NCOA6: variants seen among roughly 807,000 people sequenced by gnomAD.
NCOA6 encodes the protein NRC RAP250.
A neutral mutation model predicts 171.4 loss-of-function variants in NCOA6; 49 were observed. The ratio of observed to expected loss-of-function variants is 0.29; its 90% CI spans 0.23 to 0.36. The LOEUF (loss-of-function observed/expected upper bound fraction) is 0.36. Ranked by LOEUF, NCOA6 falls within the 10% of genes least tolerant of loss-of-function variation. The probability of loss-of-function intolerance (pLI) is 1.00; values close to 1 mark genes in which losing one functional copy is unlikely to be tolerated. For synonymous variants in NCOA6, 910 were observed against 927.5 expected, an observed-to-expected ratio of 0.98 and a Z score of 0.34; for missense variants, 2,248 against 2,554.5, an observed-to-expected ratio of 0.88 and a Z score of 2.59.
rs1440187051 is a variant in NCOA6 at position 34,740,710 on chromosome 20, T to G, written c.5546A>C (p.Asp1849Ala). The G allele has an allele frequency of 6.2e-7, 1 of 1,614,134 alleles. No individual in the cohort carries two copies. The highest frequency in any genetic ancestry group is 1.7e-5 in the Admixed American group (1 of 60,008). Residue 1849 changes from aspartate to alanine, a missense_variant, in exon 11 of 15, where the codon GAT becomes GCT. Transcript: ENST00000359003. ...TAGCCCTTGGCCTTCAGTCTCTCCA[T>G]CTGCACCATATTGTTCTTCCCCTTT... is the stretch of plus-strand genomic sequence containing the variant. ...LEKGEEQYGADGETEGQGLDT... is the reference protein window; with the variant it reads ...LEKGEEQYGAAGETEGQGLDT...
At chr20:34,755,995 C>T (rs1321649927) in intron 7 of NCOA6, among the ~76,000 whole-genome samples, 1 of 152,160 alleles carries the variant, frequency 6.6e-6, no homozygotes, top group African/African-American at 2.4e-5. Flanking sequence ...CCTTGGCCTC[C>T]CAAAGTGCTG....
intron 4 of NCOA6, among the ~76,000 whole-genome samples, chr20:34,772,620 GA>G (rs2077185783): frequency 6.6e-6 from 1 of 150,832 alleles, no homozygotes; most frequent in South Asian, 2.1e-4. Flanking sequence ...CAAAATGCCA[GA>G]AAAAAATGCA....
chr20:34,794,873 A>G (rs531996590), intron 1 of NCOA6, among the ~76,000 whole-genome samples: 30 of 152,306 alleles, frequency 2.0e-4, no homozygotes, highest in African/African-American at 7.2e-4. Flanking sequence ...ACTAAAATTG[A>G]TATCATGAAT....
At chr20:34,817,656 A>T (rs549604092) in intron 1 of NCOA6, among the ~76,000 whole-genome samples, 25 of 152,288 alleles carry the variant, frequency 1.6e-4, no homozygotes, top group Non-Finnish European at 2.6e-4. Context: ...GATCACATTT[A>T]AAAAAATAAA....
At chr20:34,762,703 A>T (rs999961213) in intron 5 of NCOA6, among the ~76,000 whole-genome samples, 3 of 152,098 alleles carry the variant, frequency 2.0e-5, no homozygotes, top group Non-Finnish European at 2.9e-5. Context: ...GATTTACCCC[A>T]TGCTTATCAA....
intron 14 of NCOA6, among the ~76,000 whole-genome samples, chr20:34,726,456 T>C (rs1021221487): frequency 5.9e-5 from 9 of 152,118 alleles, no homozygotes; most frequent in African/African-American, 1.9e-4. Context: ...AGCTGGGCCA[T>C]ATTCAGGACC....
At chr20:34,720,699 A>T (rs1989210727) in intron 14 of NCOA6, among the ~76,000 whole-genome samples, 5 of 152,236 alleles carry the variant, frequency 3.3e-5, no homozygotes, top group Non-Finnish European at 1.5e-5. Flanking sequence ...AACTTTACAC[A>T]GTGCTGATTC....
intron 2 of NCOA6, among the ~76,000 whole-genome samples, chr20:34,786,534 C>G (rs2077687126): frequency 6.6e-6 from 1 of 152,160 alleles, no homozygotes; most frequent in Non-Finnish European, 1.5e-5. Flanking sequence ...CCCAGAGATT[C>G]TGGTATGTTG....
intron 12 of NCOA6, 25 bp downstream of exon 12, chr20:34,736,662 CAAG>C (rs767759308): frequency 6.3e-7 from 1 of 1,583,038 alleles, no homozygotes. Flanking sequence ...CATCCCACTC[CAAG>C]AAGTTTTTCC....
At chr20:34,814,353 T>A (rs1349555536) in intron 1 of NCOA6, among the ~76,000 whole-genome samples, 5 of 151,254 alleles carry the variant, frequency 3.3e-5, no homozygotes, top group African/African-American at 9.7e-5. Flanking sequence ...AAAAAAAAAA[T>A]TGTAAAATAT....
chr20:34,762,989 A>G (rs917329322), intron 5 of NCOA6, among the ~76,000 whole-genome samples: 1 of 152,210 alleles, frequency 6.6e-6, no homozygotes, highest in African/African-American at 2.4e-5. Context: ...AGAAAAGCTG[A>G]TAGTCTTTCC....
intron 2 of NCOA6, among the ~76,000 whole-genome samples, chr20:34,790,296 A>C (rs1203519918): frequency 6.6e-6 from 1 of 152,098 alleles, no homozygotes; most frequent in Non-Finnish European, 1.5e-5. Flanking sequence ...TAAGTAACAG[A>C]AGCCAGACAT....
chr20:34,759,792 C>CTA (rs1468004419), intron 5 of NCOA6, among the ~76,000 whole-genome samples: 1 of 152,110 alleles, frequency 6.6e-6, no homozygotes, highest in Non-Finnish European at 1.5e-5. Flanking sequence ...ATGAGAGTGT[C>CTA]TTTAGACTAT....
intron 13 of NCOA6, among the ~76,000 whole-genome samples, chr20:34,728,510 G>T (rs1342135079): frequency 1.3e-5 from 2 of 152,086 alleles, no homozygotes; most frequent in Non-Finnish European, 2.9e-5. Context: ...AATCTTTTGG[G>T]TACAGGCCAG....
chr20:34,809,219 ATAAC>A (rs1459776274), intron 1 of NCOA6, among the ~76,000 whole-genome samples: 2 of 152,240 alleles, frequency 1.3e-5, no homozygotes, highest in East Asian at 1.9e-4. Context: ...TGTATTCAAC[ATAAC>A]TAATAAGACA....
chr20:34,722,955 C>A (rs547133639), intron 14 of NCOA6, among the ~76,000 whole-genome samples: 1 of 152,028 alleles, frequency 6.6e-6, no homozygotes, highest in South Asian at 2.1e-4. Flanking sequence ...TGCAGTGAGC[C>A]GAGATTGTGC....
intron 4 of NCOA6, among the ~76,000 whole-genome samples, chr20:34,773,493 C>T (rs868140737): frequency 1.3e-5 from 2 of 152,054 alleles, no homozygotes; most frequent in Non-Finnish European, 2.9e-5. Flanking sequence ...TTGCTCTTGT[C>T]GCCCAGGCTG....
chr20:34,804,996 C>T (rs1415984718), intron 1 of NCOA6, among the ~76,000 whole-genome samples: 1 of 151,700 alleles, frequency 6.6e-6, no homozygotes, highest in Non-Finnish European at 1.5e-5. Context: ...TTCCCCTGCT[C>T]TTCCCAGACT....
chr20:34,792,383 GAA>G (rs755498905), intron 2 of NCOA6, 65 bp downstream of exon 2: 1,242 of 311,266 alleles, frequency 4.0e-3, no homozygotes, highest in East Asian at 4.9e-3. Context: ...GACAGTATCA[GAA>G]AAAAAAAAAA....
Sources: allele counts gnomAD v4.1 joint callset (sites outside exome capture counted in the v4.1 genomes callset), GRCh38; gene constraint gnomAD v4.1.1; transcripts MANE v1.5; gene names NCBI Gene and HGNC (gene_info 2026-07-23, HGNC 2026-07-21).